The following CDK13 variants were observed in gnomAD, a reference collection of about 807,000 sequenced individuals.
CDK13 encodes cyclin-dependent kinase 13.
Under a neutral mutation model 137.6 loss-of-function variants are expected in CDK13, and 40 were observed. The observed-to-expected ratio is 0.29, with a 90% confidence interval of 0.23 to 0.38. The LOEUF (loss-of-function observed/expected upper bound fraction) is 0.38. Among genes scored for constraint, CDK13 ranks in the 10% least tolerant of loss-of-function variants. The probability of loss-of-function intolerance (pLI) is 1.00; values close to 1 mark genes in which losing one functional copy is unlikely to be tolerated. For missense variants in CDK13, 1,704 were observed against 1,951.8 expected (o/e 0.87, Z 2.39); for synonymous variants, 869 against 760.1 (o/e 1.14, Z -2.36).
chr7:40,007,219 T>A (rs1257530195), intron 5 of CDK13, among the ~76,000 whole-genome samples: 1 of 152,212 alleles, frequency 6.6e-6, no homozygotes, highest in Admixed American at 6.5e-5. Context: ...AGCACTCTAG[T>A]GTGGAATTTT....
chr7:40,084,209 A>G (rs1442820197), intron 11 of CDK13, among the ~76,000 whole-genome samples: 1 of 151,974 alleles, frequency 6.6e-6, no homozygotes, highest in Non-Finnish European at 1.5e-5. Context: ...GGCCGGGCGC[A>G]GTGGCTCACA....
At chr7:39,987,315 ACTT>A (rs1784360833) in intron 1 of CDK13, among the ~76,000 whole-genome samples, 1 of 152,040 alleles carries the variant, frequency 6.6e-6, no homozygotes, top group African/African-American at 2.4e-5. Context: ...CTTATTGCCT[ACTT>A]CTTTTTTCTG....
At chr7:40,057,858 G>A (rs917569533) in intron 7 of CDK13, among the ~76,000 whole-genome samples, 15 of 152,082 alleles carry the variant, frequency 9.9e-5, no homozygotes, top group Non-Finnish European at 1.9e-4. Context: ...ATCAAAAGGA[G>A]AAAAACAGGA....
chr7:40,057,953 G>A (rs1376914664), intron 7 of CDK13, among the ~76,000 whole-genome samples: 4 of 152,172 alleles, frequency 2.6e-5, no homozygotes, highest in African/African-American at 9.7e-5. Flanking sequence ...AATAAGTTAG[G>A]CAATGCATAT....
intron 9 of CDK13, chr7:40,072,468 C>G (rs1786443704): frequency 6.6e-6 from 1 of 152,190 alleles, no homozygotes; most frequent in Non-Finnish European, 1.5e-5. Context: ...TCTCCCCACC[C>G]TGAAATTTGC....
intron 7 of CDK13, among the ~76,000 whole-genome samples, chr7:40,051,356 G>C (rs1431616199): frequency 6.6e-6 from 1 of 151,362 alleles, no homozygotes; most frequent in Non-Finnish European, 1.5e-5. Context: ...TACATATGTT[G>C]CTCTAGTGAA....
At chr7:39,973,806 A>G (rs935947599) in intron 1 of CDK13, among the ~76,000 whole-genome samples, 4 of 152,206 alleles carry the variant, frequency 2.6e-5, no homozygotes, top group Admixed American at 1.3e-4. Flanking sequence ...GTGTGTGGAT[A>G]TACAGTTGTC....
intron 1 of CDK13, among the ~76,000 whole-genome samples, chr7:39,966,733 C>T (rs934371051): frequency 6.6e-6 from 1 of 152,150 alleles, no homozygotes; most frequent in African/African-American, 2.4e-5. Flanking sequence ...TTTTCCCCAT[C>T]TTTGTGGTTT....
chr7:40,068,444 CCA>C (rs1786331888), intron 9 of CDK13, among the ~76,000 whole-genome samples: 1 of 151,616 alleles, frequency 6.6e-6, no homozygotes. Flanking sequence ...GCCTCTAGTC[CCA>C]ACACTTTGGG....
rs780202712 is a variant in CDK13 at position 39,951,252 on chromosome 7, G to C, written c.611G>C (p.Ser204Thr). The change falls in exon 1 of 14, where the codon AGC (serine) becomes ACC (threonine). Residue 204 changes from serine (S) to threonine (T), a missense_variant. This residue lies in a region of CDK13 where 1,051 missense variants were observed against 931.0 expected (regional missense o/e 1.13). Transcript: ENST00000181839. ...SERRPRRDRR[S>T]SSGRSKERHR... Reference sequence around the variant, plus strand: ...CGCAGGCCCCGCCGGGACCGCCGCAGCAGCAGTGGCCGCAGCAAGGAGCGC... The same window carrying C: ...CGCAGGCCCCGCCGGGACCGCCGCACCAGCAGTGGCCGCAGCAAGGAGCGC... The C allele has an allele frequency of 7.6e-7, 1 of 1,316,156 alleles. No individual in the cohort carries two copies. The highest frequency in any genetic ancestry group is 9.6e-7 in the Non-Finnish European group (1 of 1,038,302). 81.5% of individuals were successfully genotyped at this position (1,316,156 alleles called of 1,614,324 possible).
chr7:40,088,345 C>A lies in CDK13; in HGVS notation c.3235+14C>A. On this transcript the variant is annotated intron_variant, in intron 12 of 13. Transcript: ENST00000181839. ...ATGTGGCACCTGGTCAGTAATGCTT[C>A]CATGGGTTGGTTTTCTTCACATTGT... 1 of 1,597,974 alleles carries A rather than the reference C, an allele frequency of 6.3e-7. No individual in the cohort carries two copies. Among genetic ancestry groups the A allele is most frequent in the Non-Finnish European group, 8.6e-7 (1 of 1,166,676 alleles).
At chr7:39,991,557 C>T (rs149756971) in intron 2 of CDK13, among the ~76,000 whole-genome samples, 1 of 151,240 alleles carries the variant, frequency 6.6e-6, no homozygotes, top group East Asian at 2.0e-4. Flanking sequence ...CAAACCTGTA[C>T]TCCACTTGCT....
At chr7:40,021,134 C>CACAT (rs1785113780) in intron 5 of CDK13, among the ~76,000 whole-genome samples, 1 of 150,082 alleles carries the variant, frequency 6.7e-6, no homozygotes, top group Non-Finnish European at 1.5e-5. Flanking sequence ...CACACACACA[C>CACAT]ACACACACAC....
intron 5 of CDK13, among the ~76,000 whole-genome samples, chr7:40,003,869 T>G (rs1784745103): frequency 6.6e-6 from 1 of 152,210 alleles, no homozygotes; most frequent in African/African-American, 2.4e-5. Flanking sequence ...GCCTGAGGTC[T>G]CAGCCTGAAT....
intron 5 of CDK13, among the ~76,000 whole-genome samples, chr7:40,022,335 G>C (rs1028603347): frequency 9.2e-5 from 14 of 152,040 alleles, no homozygotes; most frequent in African/African-American, 3.4e-4. Context: ...TCAATTTTTA[G>C]GTTTCCTACC....
intron 7 of CDK13, among the ~76,000 whole-genome samples, chr7:40,060,597 A>T (rs1278771381): frequency 6.6e-6 from 1 of 152,198 alleles, no homozygotes; most frequent in Non-Finnish European, 1.5e-5. Flanking sequence ...AGGTTTTTTA[A>T]CTTTCTGGGA....
intron 11 of CDK13, 123 bp from the exon 12 acceptor site, chr7:40,088,003 A>G: frequency 1.4e-6 from 1 of 706,948 alleles, no homozygotes; most frequent in East Asian, 2.7e-5. Flanking sequence ...AGTTTTACAG[A>G]GCCATTCTAT....
chr7:40,035,966 C>G (rs1449554433), intron 5 of CDK13, among the ~76,000 whole-genome samples: 1 of 151,962 alleles, frequency 6.6e-6, no homozygotes, highest in Non-Finnish European at 1.5e-5. Flanking sequence ...AGTTTGAGAC[C>G]AGCCTGGGTG....
At chr7:40,021,138 CACACACACACACAT>C (rs1785114543) in intron 5 of CDK13, among the ~76,000 whole-genome samples, 1 of 150,002 alleles carries the variant, frequency 6.7e-6, no homozygotes, top group Non-Finnish European at 1.5e-5. Flanking sequence ...CACACACACA[CACACACACACACAT>C]AAAGTTTTAA....
Sources: allele counts gnomAD v4.1 joint callset (sites outside exome capture counted in the v4.1 genomes callset), GRCh38; gene constraint gnomAD v4.1.1; regional missense constraint gnomAD v4.1.1; transcripts MANE v1.5; gene names NCBI Gene and HGNC (gene_info 2026-07-23, HGNC 2026-07-21).